BNC2: variants seen among roughly 807,000 people sequenced by gnomAD.
The protein encoded by BNC2 is basonuclin zinc finger protein 2.
BNC2 carries 20 observed loss-of-function variants against 76.3 expected under a neutral mutation model. The observed-to-expected ratio is 0.26, with a 90% CI of 0.18 to 0.38. The LOEUF (loss-of-function observed/expected upper bound fraction) is 0.38. Among genes scored for constraint, BNC2 ranks in the 10% least tolerant of loss-of-function variants. The pLI is 1.00. For synonymous variants in BNC2, 582 were observed against 514.8 expected (o/e 1.13, Z -1.77); for missense variants, 1,382 against 1,399.8 (o/e 0.99, Z 0.20).
chr9:16,689,081 G>A (rs994074229), intron 3 of BNC2, among the ~76,000 whole-genome samples: 1 of 150,754 alleles, frequency 6.6e-6, no homozygotes, highest in Non-Finnish European at 1.5e-5. Context: ...TTTCTGTGGG[G>A]CAGGGAGGAA....
chr9:16,695,209 G>T (rs576653798), intron 3 of BNC2, among the ~76,000 whole-genome samples: 25 of 152,220 alleles, frequency 1.6e-4, no homozygotes, highest in Non-Finnish European at 2.9e-4. Context: ...TTTTCTTTTG[G>T]TATTAGTTGC....
intron 3 of BNC2, among the ~76,000 whole-genome samples, chr9:16,596,215 G>C (rs973292243): frequency 6.6e-6 from 1 of 152,094 alleles, no homozygotes; most frequent in African/African-American, 2.4e-5. Context: ...GAACAGTGTA[G>C]AGGAAGAAAT....
In BNC2 at chr9:16,808,306, T is replaced by A. The variant is rs574789613; in HGVS notation, c.3+62340A>T. Among the ~76,000 whole-genome samples the A allele has an allele frequency of 2.3e-4, 35 of 152,170 alleles. 1 individual carries two copies. The South Asian group carries it at 7.1e-3, about 31-fold the overall frequency. Reference sequence around the variant, plus strand: ...ATTATTATTCTCTCGGTTTATTTCATTAAAATTTATTTGACAAACAGCAGA... The same window carrying A: ...ATTATTATTCTCTCGGTTTATTTCAATAAAATTTATTTGACAAACAGCAGA... On this transcript the variant is annotated intron_variant, in intron 1 of 6. Transcript: ENST00000380672.
Position 16,596,982 on chromosome 9 carries a change from T to C in BNC2, c.331-13897A>G, listed in dbSNP as rs1419977749. Among the ~76,000 whole-genome samples the C allele has an allele frequency of 2.6e-5, 4 of 152,246 alleles. No individual in the cohort carries two copies. In the East Asian group the frequency reaches 7.7e-4, roughly 29 times the overall value. ...CGGGAAGAAAATGTGATCTATCACC[T>C]CTCTCTCAAAATGCTATTAGCTTCT... On this transcript the variant is annotated intron_variant, in intron 3 of 6. Coordinates refer to ENST00000380672, the MANE Select transcript of BNC2 (RefSeq NM_017637.6).
At position 16,499,528 on chromosome 9, in the gene BNC2, TTC is replaced by T. The variant is rs1383320429; in HGVS notation, c.669+53000_669+53001del. On this transcript the variant is annotated intron_variant, in intron 5 of 6. Coordinates refer to ENST00000380672, the MANE Select transcript of BNC2 (RefSeq NM_017637.6). ...AGCTCCTCCCTAAATATCTTTTTTT[TTC>T]TTTTTTTTTTTTTTTTTGAGACAGA... Among the ~76,000 whole-genome samples the T allele has an allele frequency of 8.9e-3, 1,168 of 131,038 alleles. 16 individuals carry two copies. Among genetic ancestry groups the T allele is most frequent in the South Asian group, 0.058 (204 of 3,524 alleles). The allele number at this position is 131,038 out of a possible 152,430, so 86.0% of individuals were successfully genotyped here. A position where few individuals can be genotyped will look rare whatever the true frequency, so the allele number is the denominator to read the frequency against.
At chr9:16,606,867 A>T (rs1036016912) in intron 3 of BNC2, among the ~76,000 whole-genome samples, 2 of 152,174 alleles carry the variant, frequency 1.3e-5, no homozygotes, top group Non-Finnish European at 2.9e-5. Context: ...CGGCGATCTG[A>T]TGGTTTTTAA....
intron 5 of BNC2, among the ~76,000 whole-genome samples, chr9:16,453,693 G>C (rs892195933): frequency 2.6e-5 from 4 of 152,102 alleles, no homozygotes; most frequent in African/African-American, 9.7e-5. Flanking sequence ...ATGCCTGTAA[G>C]TTCCAGCTAC....
chr9:16,676,703 A>T (rs1370703443), intron 3 of BNC2, among the ~76,000 whole-genome samples: 1 of 152,248 alleles, frequency 6.6e-6, no homozygotes, highest in Non-Finnish European at 1.5e-5. Flanking sequence ...GCCTAAGCAG[A>T]TGCTAAGTTA....
intron 3 of BNC2, among the ~76,000 whole-genome samples, chr9:16,598,835 C>G (rs560031498): frequency 7.9e-5 from 12 of 152,266 alleles, no homozygotes; most frequent in African/African-American, 2.2e-4. Flanking sequence ...AATACCTATT[C>G]CTTCTACCTG....
At chr9:16,454,351 G>T (rs1177618002) in intron 5 of BNC2, among the ~76,000 whole-genome samples, 1 of 99,554 alleles carries the variant, frequency 1.0e-5, no homozygotes, top group Admixed American at 9.9e-5. Flanking sequence ...TGCCCAGGCT[G>T]GAGTGCAGTG....
chr9:16,426,385 G>C (rs1475083493), intron 6 of BNC2, among the ~76,000 whole-genome samples: 1 of 133,792 alleles, frequency 7.5e-6, no homozygotes, highest in East Asian at 2.2e-4. Context: ...GGCTGGTCTT[G>C]AACTCCTGGC....
At chr9:16,582,532 C>T (rs903228893) in intron 4 of BNC2, among the ~76,000 whole-genome samples, 6 of 152,148 alleles carry the variant, frequency 3.9e-5, no homozygotes, top group African/African-American at 1.4e-4. Context: ...TGAGACCATA[C>T]AACATTTAAC....
chr9:16,784,337 C>T (rs985392651), intron 1 of BNC2, among the ~76,000 whole-genome samples: 5 of 152,190 alleles, frequency 3.3e-5, no homozygotes, highest in South Asian at 2.1e-4. Context: ...TACTACTATA[C>T]TACCACTACT....
At chr9:16,538,301 T>C (rs1254466320) in intron 5 of BNC2, among the ~76,000 whole-genome samples, 1 of 152,198 alleles carries the variant, frequency 6.6e-6, no homozygotes, top group African/African-American at 2.4e-5. Context: ...TAAAATTCTA[T>C]GTACTGAGTG....
At chr9:16,566,843 G>C (rs1314301037) in intron 4 of BNC2, among the ~76,000 whole-genome samples, 2 of 152,102 alleles carry the variant, frequency 1.3e-5, no homozygotes, top group Admixed American at 1.3e-4. Flanking sequence ...AAAAGACCTG[G>C]AGGAAAAACA....
chr9:16,669,504 C>G (rs1822410632), intron 3 of BNC2, among the ~76,000 whole-genome samples: 1 of 152,162 alleles, frequency 6.6e-6, no homozygotes, highest in Non-Finnish European at 1.5e-5. Flanking sequence ...AGATGCACAT[C>G]TCACTAGACA....
chr9:16,768,960 GGAA>G (rs778357960), intron 1 of BNC2, among the ~76,000 whole-genome samples: 6 of 152,124 alleles, frequency 3.9e-5, no homozygotes, highest in African/African-American at 7.2e-5. Flanking sequence ...ATAGAAGAGG[GGAA>G]GAAGAAGCTG....
intron 4 of BNC2, among the ~76,000 whole-genome samples, chr9:16,565,981 C>T (rs533453616): frequency 1.1e-4 from 17 of 152,206 alleles, no homozygotes; most frequent in Non-Finnish European, 2.1e-4. Flanking sequence ...GAGAGATAAG[C>T]GAGGTTCCAT....
chr9:16,634,762 A>C (rs1276678769), intron 3 of BNC2, among the ~76,000 whole-genome samples: 2 of 152,130 alleles, frequency 1.3e-5, no homozygotes, highest in African/African-American at 4.8e-5. Flanking sequence ...CAGCCTCCCA[A>C]AATGCTGGGA....
Sources: allele counts gnomAD v4.1 joint callset (sites outside exome capture counted in the v4.1 genomes callset), GRCh38; gene constraint gnomAD v4.1.1; transcripts MANE v1.5; gene names NCBI Gene and HGNC (gene_info 2026-07-23, HGNC 2026-07-21).